The following PRKDC variants were observed in gnomAD, a reference collection of about 807,000 sequenced individuals.
PRKDC encodes the protein protein kinase, DNA-activated, catalytic subunit, also known as DNA-dependent protein kinase catalytic subunit.
PRKDC carries 82 observed loss-of-function variants against 486.9 expected under a neutral mutation model. That is an observed-to-expected ratio of 0.17 (90% CI 0.14 to 0.20). The LOEUF (loss-of-function observed/expected upper bound fraction) is 0.20. Ranked by LOEUF, PRKDC falls within the 10% of genes least tolerant of loss-of-function variation. The probability of loss-of-function intolerance (pLI) is 1.00; values close to 1 mark genes in which losing one functional copy is unlikely to be tolerated. For missense variants in PRKDC, 4,504 were observed against 5,038.2 expected (o/e 0.89, Z 3.21); for synonymous variants, 1,895 against 1,837.0 (o/e 1.03, Z -0.81).
intron 71 of PRKDC, among the ~76,000 whole-genome samples, chr8:47,800,080 T>C (rs527616448): frequency 6.6e-6 from 1 of 152,300 alleles, no homozygotes; most frequent in African/African-American, 2.4e-5. Context: ...CATAAGAAAA[T>C]TGGCTGTGCG....
At chr8:47,840,224 C>A (rs1227470219) in intron 54 of PRKDC, 35 bp from the exon 55 acceptor site, 2 of 1,525,932 alleles carry the variant, frequency 1.3e-6, no homozygotes, top group Non-Finnish European at 1.8e-6. Context: ...ACAAATTTAG[C>A]TATTTTTATT....
intron 68 of PRKDC, among the ~76,000 whole-genome samples, chr8:47,808,275 G>C (rs907102511): frequency 6.6e-6 from 1 of 151,974 alleles, no homozygotes; most frequent in Middle Eastern, 3.2e-3. Flanking sequence ...CCAAATAGCC[G>C]GGGTTGGTTA....
At chr8:47,942,412 TCA>T (rs1398933026) in intron 10 of PRKDC, among the ~76,000 whole-genome samples, 1 of 152,094 alleles carries the variant, frequency 6.6e-6, no homozygotes, top group East Asian at 1.9e-4. Flanking sequence ...GCCCATCGGC[TCA>T]GTTTTTTGGA....
chr8:47,927,042 A>G, intron 21 of PRKDC, 152 bp downstream of exon 21: 1 of 792,142 alleles, frequency 1.3e-6, no homozygotes, highest in South Asian at 2.2e-5. Flanking sequence ...TTAGAGTCAG[A>G]TAAATTAGGG....
At chr8:47,933,496 C>T (rs1490778709) in intron 15 of PRKDC, among the ~76,000 whole-genome samples, 1 of 152,210 alleles carries the variant, frequency 6.6e-6, no homozygotes. Context: ...TATGTATAAA[C>T]ACAAATATGT....
chr8:47,888,765 G>A, intron 33 of PRKDC, 115 bp from the exon 34 acceptor site: 1 of 1,368,718 alleles, frequency 7.3e-7, no homozygotes, highest in Admixed American at 2.8e-5. Flanking sequence ...CATCTAACAG[G>A]ATCCACACGC....
In PRKDC at chr8:47,849,406, G is replaced by A; in HGVS notation, c.7103C>T (p.Thr2368Ile). 6.2e-6 allele frequency: 10 copies of A among 1,613,954 alleles called. No individual in the cohort carries two copies. Among genetic ancestry groups the A allele is most frequent in the Non-Finnish European group, 8.5e-6 (10 of 1,179,900 alleles). Residue 2368 changes from threonine to isoleucine, a missense_variant, in exon 53 of 86, where the codon ACC (threonine) becomes ATC (isoleucine). By Grantham distance (89) the Thr-to-Ile change is moderately conservative (BLOSUM62 -1). This residue lies in a region of PRKDC where 1,592 missense variants were observed against 1,724.6 expected (regional missense o/e 0.92). Coordinates refer to ENST00000314191, the MANE Select transcript of PRKDC (RefSeq NM_006904.7). ...DKFIVCLNKVTKSFPPLADRF... is the reference protein window; with the variant it reads ...DKFIVCLNKVIKSFPPLADRF... Reference sequence around the variant, plus strand: ...GTCTGCAAGAGGAGGGAAGCTCTTGGTCACTTTGTTCAAGCACACAATAAA... The same window carrying A: ...GTCTGCAAGAGGAGGGAAGCTCTTGATCACTTTGTTCAAGCACACAATAAA...
Position 47,774,381 on chromosome 8 carries a change from GA to G in PRKDC, c.12183-5del, listed in dbSNP as rs545199062. 1.5e-4 allele frequency: 236 copies of G among 1,608,048 alleles called. 1 individual carries two copies. Among genetic ancestry groups the G allele is most frequent in the South Asian group, 5.3e-4 (48 of 90,118 alleles). ...ATGACCCAGGAGTAGCTCATCACTG[GA>G]AAAAAAACAAACACAGAAAACACAA... On this transcript the variant is annotated splice_polypyrimidine_tract_variant and splice_region_variant and intron_variant, in intron 85 of 85. Coordinates refer to ENST00000314191, the MANE Select transcript of PRKDC (RefSeq NM_006904.7).
chr8:47,813,181 G>C (rs965079221), intron 68 of PRKDC, among the ~76,000 whole-genome samples: 3 of 151,652 alleles, frequency 2.0e-5, no homozygotes, highest in Non-Finnish European at 4.4e-5. Flanking sequence ...GCAATGGCAC[G>C]ATCTCTGCTC....
Position 47,933,125 on chromosome 8 carries a change from A to C in PRKDC, c.1671T>G (p.Ser557Arg). The change falls in exon 16 of 86, where the codon AGT becomes AGG. Residue 557 changes from serine to arginine, a missense_variant. Transcript: ENST00000314191. ...DEAFFSVNSS[S>R]ESLNHLLYDE... ...CATAAAGTAAATGATTCAGACTTTC[A>C]CTGGAGGAATTCACAGAGAAAAATG... 1.9e-6 allele frequency: 3 copies of C among 1,563,254 alleles called. No individual in the cohort carries two copies. The highest frequency in any genetic ancestry group is 2.6e-6 in the Non-Finnish European group (3 of 1,156,936).
rs894831845 is a variant in PRKDC, at chr8:47,777,039, C to A, written c.12043-56G>T. The A allele has an allele frequency of 1.9e-6, 3 of 1,541,748 alleles. No individual in the cohort carries two copies. In the African/African-American group the frequency reaches 4.2e-5, roughly 21 times the overall value. ...GATCATAATGGTATATACAATCATG[C>A]CCAAACAGATTAAATCTAGTAATGA... On this transcript the variant is annotated intron_variant, in intron 84 of 85. Transcript: ENST00000314191.
rs765355991 is a variant in PRKDC, at chr8:47,795,695, G to A, written c.10459-1194C>T. Reference sequence around the variant, plus strand: ...TTTTAGTAGAGACAAGTTTCGCCACGTTGGCCAGACTGGTCTTGAACTCCT... The same window carrying A: ...TTTTAGTAGAGACAAGTTTCGCCACATTGGCCAGACTGGTCTTGAACTCCT... On this transcript the variant is annotated intron_variant, in intron 73 of 85. Coordinates refer to ENST00000314191, the MANE Select transcript of PRKDC (RefSeq NM_006904.7). Among the ~76,000 whole-genome samples the A allele has an allele frequency of 6.0e-5, 9 of 150,538 alleles. No individual in the cohort carries two copies. The East Asian group carries it at 6.0e-4, about 10-fold the overall frequency.
chr8:47,879,376 G>T, intron 39 of PRKDC, 115 bp downstream of exon 39: 2 of 896,828 alleles, frequency 2.2e-6, no homozygotes, highest in Non-Finnish European at 3.3e-6. Context: ...ATAACCTATT[G>T]GGTGGTTTAC....
In PRKDC at chr8:47,937,943, C is replaced by T. The variant is rs1589805892; in HGVS notation, c.1114-1426G>A. ...CAGTCTGTGTAACGAAGTGAGATATCGTCTCTACGAAAGATTAAAAAATTT... is the reference window on the plus strand; with the variant it reads ...CAGTCTGTGTAACGAAGTGAGATATTGTCTCTACGAAAGATTAAAAAATTT... On this transcript the variant is annotated intron_variant, in intron 11 of 85. Coordinates refer to ENST00000314191, the MANE Select transcript of PRKDC (RefSeq NM_006904.7). 2.6e-5 allele frequency among the ~76,000 whole-genome samples: 4 copies of T among 152,034 alleles called. No individual in the cohort carries two copies. The South Asian group carries it at 6.2e-4, about 24-fold the overall frequency.
intron 68 of PRKDC, among the ~76,000 whole-genome samples, chr8:47,809,004 G>A (rs1243802677): frequency 6.6e-6 from 1 of 151,584 alleles, no homozygotes; most frequent in African/African-American, 2.4e-5. Context: ...AGCCTGGGTG[G>A]CACAGCAAGA....
intron 54 of PRKDC, among the ~76,000 whole-genome samples, chr8:47,844,128 A>G (rs143244449): frequency 2.8e-4 from 42 of 152,378 alleles, no homozygotes; most frequent in African/African-American, 8.9e-4. Context: ...ATAAAACTCA[A>G]CTATCTTCTC....
At position 47,960,005 on chromosome 8, in the gene PRKDC, T is replaced by C. The variant is rs1352246672; in HGVS notation, c.122A>G (p.Glu41Gly). The change falls in exon 1 of 86, where the codon GAA becomes GGA. Residue 41 changes from glutamate to glycine, a missense_variant. Around this residue, in one of 6 missense-constraint regions of PRKDC, gnomAD observed 145 missense variants for 136.3 expected, o/e 1.06. Transcript: ENST00000314191. The part of the protein sequence containing the change: ...GHQLIRGLGQ[E>G]CVLSSSPAVL... ...CGCGGGGCTGCTGCTCAGGACGCAT[T>C]CCTGCCCCAGGCCGCGGATCAGTTG... 1 of 1,534,564 alleles carries C rather than the reference T, an allele frequency of 6.5e-7. No homozygotes were observed. The highest frequency in any genetic ancestry group is 1.4e-5 in the African/African-American group (1 of 72,952).
intron 63 of PRKDC, among the ~76,000 whole-genome samples, chr8:47,826,080 C>T (rs1197249137): frequency 2.0e-5 from 3 of 152,170 alleles, no homozygotes; most frequent in Non-Finnish European, 2.9e-5. Flanking sequence ...ACCTAAAGCT[C>T]TAAAAATCTG....
intron 7 of PRKDC, among the ~76,000 whole-genome samples, chr8:47,947,964 C>G (rs567147028): frequency 6.6e-6 from 1 of 151,602 alleles, no homozygotes; most frequent in Non-Finnish European, 1.5e-5. Flanking sequence ...CCTATAGTCC[C>G]CAGCTACTTG....
Sources: allele counts gnomAD v4.1 joint callset (sites outside exome capture counted in the v4.1 genomes callset), GRCh38; gene constraint gnomAD v4.1.1; regional missense constraint gnomAD v4.1.1; transcripts MANE v1.5; gene names NCBI Gene and HGNC (gene_info 2026-07-23, HGNC 2026-07-21).